The following CLNK variants were observed in gnomAD, a reference collection of about 807,000 sequenced individuals.
CLNK encodes cytokine-dependent hematopoietic cell linker.
Under a neutral mutation model 68.6 loss-of-function variants are expected in CLNK, and 74 were observed. The observed-to-expected ratio is 1.08, with a 90% CI of 0.89 to 1.31. The LOEUF is 1.31. CLNK is among the 50% of genes most tolerant of loss of function. The pLI, the probability that CLNK is intolerant of heterozygous loss-of-function variation, is 0.00. For synonymous variants in CLNK, 198 were observed against 172.2 expected (o/e 1.15, Z -1.17); for missense variants, 553 against 515.3 (o/e 1.07, Z -0.71).
intron 2 of CLNK, among the ~76,000 whole-genome samples, chr4:10,653,258 G>T (rs529015429): frequency 8.9e-4 from 135 of 152,138 alleles, no homozygotes; most frequent in African/African-American, 3.0e-3. Flanking sequence ...GTTGATGGGT[G>T]CAGCAAACCA....
chr4:10,564,601 T>C, intron 7 of CLNK, 70 bp downstream of exon 7: 1 of 1,057,254 alleles, frequency 9.5e-7, no homozygotes, highest in South Asian at 1.3e-5. Context: ...GGACAGGAGA[T>C]GGGGCAGTTT....
At position 10,569,158 on chromosome 4, in the gene CLNK, T is replaced by A. The variant is rs1033928214; in HGVS notation, c.150+2583A>T. On this transcript the variant is annotated intron_variant, in intron 5 of 18. Transcript: ENST00000226951. ...GTGGGTTCATATTCCCCCAGCCACC[T>A]CCTCCCCAAGTGAATTGGCCAAGAC... Among the ~76,000 whole-genome samples the A allele has an allele frequency of 2.7e-5, 4 of 149,610 alleles. No individual in the cohort carries two copies. In the Admixed American group the frequency reaches 2.7e-4, roughly 10 times the overall value.
chr4:10,606,615 C>T (rs1424169691), intron 2 of CLNK, among the ~76,000 whole-genome samples: 1 of 152,170 alleles, frequency 6.6e-6, no homozygotes, highest in Non-Finnish European at 1.5e-5. Context: ...AGCATCATCA[C>T]AAACATGTGA....
chr4:10,621,255 G>C (rs941617010), intron 2 of CLNK, among the ~76,000 whole-genome samples: 5 of 152,172 alleles, frequency 3.3e-5, no homozygotes, highest in Non-Finnish European at 1.5e-5. Context: ...TCCTGGAGAG[G>C]GCAGAATGGT....
At chr4:10,691,467 A>G in the CLNK span, among the ~76,000 whole-genome samples, 1 of 152,168 alleles carries the variant, frequency 6.6e-6, no homozygotes, top group East Asian at 1.9e-4. Flanking sequence ...ACAGAGACGT[A>G]AGTTCCAAAT....
At chr4:10,585,042 G>T in intron 3 of CLNK, 87 bp from the exon 4 acceptor site, 1 of 1,412,888 alleles carries the variant, frequency 7.1e-7, no homozygotes, top group Non-Finnish European at 9.9e-7. Context: ...GTCATCAAAC[G>T]TCATTGTACA....
intron 18 of CLNK, among the ~76,000 whole-genome samples, chr4:10,492,411 G>A (rs946944379): frequency 6.6e-6 from 1 of 152,162 alleles, no homozygotes; most frequent in Non-Finnish European, 1.5e-5. Context: ...ATGTTGCAAG[G>A]CCTCAGGAAT....
the CLNK span, among the ~76,000 whole-genome samples, chr4:10,731,727 G>A: frequency 6.6e-6 from 1 of 152,138 alleles, no homozygotes; most frequent in African/African-American, 2.4e-5. Flanking sequence ...AATGTGTCAA[G>A]AATTCTGCTC....
At chr4:10,630,416 C>T (rs1722839805) in intron 2 of CLNK, among the ~76,000 whole-genome samples, 1 of 152,204 alleles carries the variant, frequency 6.6e-6, no homozygotes, top group Non-Finnish European at 1.5e-5. Flanking sequence ...AGCTGGGATT[C>T]CAACTTGTGT....
At chr4:10,718,435 G>A in the CLNK span, among the ~76,000 whole-genome samples, 2 of 152,026 alleles carry the variant, frequency 1.3e-5, no homozygotes, top group Non-Finnish European at 2.9e-5. Flanking sequence ...TACGTTGATT[G>A]GCAGTGAATT....
At chr4:10,621,587 CTTGAA>C (rs1722461021) in intron 2 of CLNK, among the ~76,000 whole-genome samples, 1 of 152,140 alleles carries the variant, frequency 6.6e-6, no homozygotes, top group African/African-American at 2.4e-5. Flanking sequence ...ATCTGCAGCC[CTTGAA>C]TTAATTCTGT....
chr4:10,584,468 C>T (rs543563198), intron 4 of CLNK, among the ~76,000 whole-genome samples: 1 of 152,136 alleles, frequency 6.6e-6, no homozygotes, highest in African/African-American at 2.4e-5. Context: ...CTGTTAAGTG[C>T]GTAGTACCAG....
chr4:10,634,204 C>G (rs144771256), intron 2 of CLNK, among the ~76,000 whole-genome samples: 13 of 152,280 alleles, frequency 8.5e-5, no homozygotes, highest in African/African-American at 3.1e-4. Context: ...AGAAGGGGCA[C>G]AGAGTAGAGC....
intron 2 of CLNK, among the ~76,000 whole-genome samples, chr4:10,640,337 G>C (rs1254050308): frequency 6.6e-6 from 1 of 152,150 alleles, no homozygotes; most frequent in Non-Finnish European, 1.5e-5. Context: ...ACTAACTTTT[G>C]TATTTTTTGT....
chr4:10,704,703 C>A, the CLNK span, among the ~76,000 whole-genome samples: 2 of 151,652 alleles, frequency 1.3e-5, no homozygotes, highest in African/African-American at 4.9e-5. Context: ...CAGGGTCAAG[C>A]CCCCCTGTGC....
At chr4:10,698,882 G>A in the CLNK span, among the ~76,000 whole-genome samples, 1 of 152,146 alleles carries the variant, frequency 6.6e-6, no homozygotes, top group African/African-American at 2.4e-5. Flanking sequence ...CTGATCGACT[G>A]AACACCTAAA....
At chr4:10,567,791 A>G (rs1720181155) in intron 5 of CLNK, among the ~76,000 whole-genome samples, 1 of 152,246 alleles carries the variant, frequency 6.6e-6, no homozygotes, top group African/African-American at 2.4e-5. Context: ...TTCAAAGAAG[A>G]TATGCAAACC....
intron 6 of CLNK, among the ~76,000 whole-genome samples, chr4:10,565,561 G>T (rs1205393567): frequency 6.6e-6 from 1 of 151,478 alleles, no homozygotes; most frequent in Admixed American, 6.6e-5. Context: ...GCTGCACAAT[G>T]AATTAACCAA....
At chr4:10,566,737 G>A (rs1459610982) in intron 5 of CLNK, among the ~76,000 whole-genome samples, 4 of 152,120 alleles carry the variant, frequency 2.6e-5, no homozygotes, top group South Asian at 2.1e-4. Flanking sequence ...TAATCCCAGC[G>A]CTTTGGGAGG....
Sources: gnomAD v4.1 joint callset for allele counts (sites outside exome capture counted in the v4.1 genomes callset) on GRCh38, gnomAD v4.1.1 for gene constraint, MANE v1.5 for transcripts, NCBI Gene and HGNC (gene_info 2026-07-23, HGNC 2026-07-21) for gene names.